Variants in STK32B observed in about 807,000 individuals in gnomAD.
STK32B encodes serine/threonine kinase 32B, also known as serine/threonine-protein kinase 32B.
In STK32B, 43 loss-of-function variants were observed where a neutral mutation model predicts 52.6. The observed-to-expected ratio is 0.82, with a 90% CI of 0.64 to 1.05. STK32B has a LOEUF of 1.05. Ranked by LOEUF, STK32B falls within the 50% of genes least tolerant of loss-of-function variation. STK32B has a pLI of 0.00. For missense variants in STK32B, 621 were observed against 534.6 expected, an observed-to-expected ratio of 1.16 and a Z score of -1.59; for synonymous variants, 238 against 204.3, an observed-to-expected ratio of 1.17 and a Z score of -1.41.
chr4:5,203,150 G>A (rs1010626380), intron 3 of STK32B, among the ~76,000 whole-genome samples: 3 of 152,142 alleles, frequency 2.0e-5, no homozygotes, highest in Non-Finnish European at 4.4e-5. Context: ...GCTGTAATGA[G>A]TAAATAAAAT....
chr4:5,171,987 G>C (rs1299281837), intron 3 of STK32B, among the ~76,000 whole-genome samples: 1 of 151,782 alleles, frequency 6.6e-6, no homozygotes, highest in Non-Finnish European at 1.5e-5. Context: ...ATTTCATTGA[G>C]CAGTGGTTTG....
At chr4:5,046,112 T>A in the STK32B span, among the ~76,000 whole-genome samples, 1 of 152,172 alleles carries the variant, frequency 6.6e-6, no homozygotes, top group Admixed American at 6.5e-5. Context: ...GACTTCAAAC[T>A]ATACTACAAG....
intron 3 of STK32B, among the ~76,000 whole-genome samples, chr4:5,282,236 A>G (rs1399115568): frequency 1.3e-5 from 2 of 152,136 alleles, no homozygotes; most frequent in African/African-American, 2.4e-5. Context: ...TTTTTTACCT[A>G]TACATGAAAC....
chr4:5,145,129 A>T (rs1393301516), intron 2 of STK32B, among the ~76,000 whole-genome samples: 1 of 152,186 alleles, frequency 6.6e-6, no homozygotes, highest in Non-Finnish European at 1.5e-5. Flanking sequence ...TTATTTTAGT[A>T]TGAAAACATG....
chr4:5,169,449 G>C (rs1453240639), intron 3 of STK32B, among the ~76,000 whole-genome samples: 2 of 152,146 alleles, frequency 1.3e-5, no homozygotes, highest in African/African-American at 4.8e-5. Context: ...GGTAAGTCTA[G>C]CTTTGCACAT....
Position 5,446,688 on chromosome 4 carries a change from A to G in STK32B, c.578A>G (p.Gln193Arg). The change falls in exon 7 of 12, where the codon CAG becomes CGG. Residue 193 changes from glutamine (Q) to arginine (R), a missense_variant. Physicochemically the swap from Gln to Arg is conservative, Grantham distance 43. Transcript: ENST00000282908. The stretch of plus-strand genomic sequence containing the variant: ...TCGTTGGCAGCTCCAGAAGTATTCC[A>G]GGTGTACATGGACAGAGGCCCCGGA... ...TKPYMAPEVF[Q>R]VYMDRGPGYS... 6.2e-7 allele frequency: 1 copy of G among 1,613,996 alleles called. No individual in the cohort carries two copies. Among genetic ancestry groups the G allele is most frequent in the Non-Finnish European group, 8.5e-7 (1 of 1,179,956 alleles).
chr4:5,235,608 A>G (rs1332910421), intron 3 of STK32B, among the ~76,000 whole-genome samples: 1 of 152,212 alleles, frequency 6.6e-6, no homozygotes, highest in African/African-American at 2.4e-5. Context: ...TCTTTAAAAA[A>G]TTGGGATCCT....
rs574446499 is a variant in STK32B, at chr4:5,142,132, A to G, written c.108+2172A>G. On this transcript the variant is annotated intron_variant, in intron 2 of 11. Coordinates refer to ENST00000282908, the MANE Select transcript of STK32B (RefSeq NM_018401.3). ...AGAAAAGTGCCCTTGGGAATGTCCAATACACTAACTATCCTTGTGCTTGCT... is the reference window on the plus strand; with the variant it reads ...AGAAAAGTGCCCTTGGGAATGTCCAGTACACTAACTATCCTTGTGCTTGCT... Among the ~76,000 whole-genome samples, 175 of 152,314 alleles carry G rather than the reference A, an allele frequency of 1.1e-3. 1 individual carries two copies. The highest frequency in any genetic ancestry group is 3.9e-3 in the African/African-American group (162 of 41,576).
chr4:5,413,990 C>T (rs770395360), intron 5 of STK32B, among the ~76,000 whole-genome samples: 1 of 152,144 alleles, frequency 6.6e-6, no homozygotes, highest in Non-Finnish European at 1.5e-5. Context: ...AATAAAAGTA[C>T]TAACATGTAA....
chr4:5,131,790 C>T (rs1335826284), intron 1 of STK32B, among the ~76,000 whole-genome samples: 1 of 152,222 alleles, frequency 6.6e-6, no homozygotes, highest in East Asian at 1.9e-4. Flanking sequence ...CCCTGACCAC[C>T]CTGTCTAAAA....
intron 7 of STK32B, chr4:5,446,994 T>C: frequency 2.0e-6 from 1 of 507,164 alleles, no homozygotes; most frequent in Non-Finnish European, 3.6e-6. Flanking sequence ...AGGCATTCAG[T>C]GGGGGAGGGT....
chr4:5,452,518 T>C (rs3774826), intron 7 of STK32B, among the ~76,000 whole-genome samples: 108,615 of 152,042 alleles, frequency 0.71, 39,210 homozygotes, highest in East Asian at 0.83. Flanking sequence ...GCTGTGCTTC[T>C]CAGACTCTAG....
At chr4:5,412,423 G>A (rs1711772345) in intron 5 of STK32B, among the ~76,000 whole-genome samples, 1 of 152,208 alleles carries the variant, frequency 6.6e-6, no homozygotes, top group South Asian at 2.1e-4. Flanking sequence ...GAAAGCAGAA[G>A]TGGAATCCTG....
intron 2 of STK32B, among the ~76,000 whole-genome samples, chr4:5,142,748 G>A (rs1314235711): frequency 6.6e-6 from 1 of 152,112 alleles, no homozygotes; most frequent in Non-Finnish European, 1.5e-5. Context: ...GTATCAACTG[G>A]GCTAGGCCGT....
chr4:5,051,912 G>A lies in STK32B; in HGVS notation c.49G>A (p.Glu17Lys), dbSNP rs1297751294. Residue 17 changes from glutamate (E) to lysine (K), a missense_variant, in exon 1 of 12, where the codon GAA (glutamate) becomes AAA (lysine). By Grantham distance (56) the Glu-to-Lys change is moderately conservative (BLOSUM62 1). Coordinates refer to ENST00000282908, the MANE Select transcript of STK32B (RefSeq NM_018401.3). ...HKPPVFDENEEVNFDHFQILR... is the reference protein window; with the variant it reads ...HKPPVFDENEKVNFDHFQILR... Reference sequence around the variant, plus strand: ...GCCCCCCGTGTTTGACGAGAATGAGGAAGGTAAGAGAGCGAGAGGTGCGAA... The same window carrying A: ...GCCCCCCGTGTTTGACGAGAATGAGAAAGGTAAGAGAGCGAGAGGTGCGAA... The A allele has an allele frequency of 6.3e-7, 1 of 1,595,852 alleles. No homozygotes were observed. Among genetic ancestry groups the A allele is most frequent in the Non-Finnish European group, 8.5e-7 (1 of 1,171,570 alleles).
intron 3 of STK32B, among the ~76,000 whole-genome samples, chr4:5,297,352 G>A (rs1398698038): frequency 6.6e-6 from 1 of 152,056 alleles, no homozygotes; most frequent in African/African-American, 2.4e-5. Flanking sequence ...TGTTCTCCTG[G>A]ATAATAACCT....
rs372418379 is a variant in STK32B, at chr4:5,107,299, C to G, written c.53-32606C>G. On this transcript the variant is annotated intron_variant, in intron 1 of 11. Transcript: ENST00000282908. ...AAATAAGCTCAGGGCTCCCACTGATCATTATGGTGAGTTGTATAATTATTT... is the reference window on the plus strand; with the variant it reads ...AAATAAGCTCAGGGCTCCCACTGATGATTATGGTGAGTTGTATAATTATTT... Among the ~76,000 whole-genome samples, 12 of 152,134 alleles carry G rather than the reference C, an allele frequency of 7.9e-5. No individual in the cohort carries two copies. The South Asian group carries it at 2.3e-3, about 29-fold the overall frequency.
At position 5,460,020 on chromosome 4, in the gene STK32B, G is replaced by T; in HGVS notation, c.784-83G>T. 6.3e-7 allele frequency: 1 copy of T among 1,599,682 alleles called. No homozygotes were observed. Among genetic ancestry groups the T allele is most frequent in the South Asian group, 1.1e-5 (1 of 90,418 alleles). ...CGTGAAGAGCAGAGGCACATTAATT[G>T]CCCTGAGACCCCCTCCTTCAGAGTC... is the stretch of plus-strand genomic sequence containing the variant. On this transcript the variant is annotated intron_variant, in intron 8 of 11. Coordinates refer to ENST00000282908, the MANE Select transcript of STK32B (RefSeq NM_018401.3). The surrounding 1 kb of genome is among the most constrained non-coding windows in gnomAD (Gnocchi z 4.8).
chr4:5,153,055 A>G (rs1416632489), intron 2 of STK32B, among the ~76,000 whole-genome samples: 1 of 152,168 alleles, frequency 6.6e-6, no homozygotes, highest in Non-Finnish European at 1.5e-5. Flanking sequence ...CGTCCTGGAG[A>G]GGACCCCACT....
Sources: allele counts gnomAD v4.1 joint callset (sites outside exome capture counted in the v4.1 genomes callset), GRCh38; gene constraint gnomAD v4.1.1; non-coding constraint Gnocchi (gnomAD v3.1); transcripts MANE v1.5; gene names NCBI Gene and HGNC (gene_info 2026-07-23, HGNC 2026-07-21).